The following KRT9 variants were observed in gnomAD, a reference collection of about 807,000 sequenced individuals.
KRT9 encodes keratin, type I cytoskeletal 9.
In KRT9, 34 loss-of-function variants were observed where a neutral mutation model predicts 51.4. The ratio of observed to expected loss-of-function variants is 0.66; its 90% confidence interval spans 0.50 to 0.88. The LOEUF (loss-of-function observed/expected upper bound fraction) is 0.88. KRT9 is among the 40% of genes least tolerant of loss of function. KRT9 has a pLI of 0.00. For synonymous variants in KRT9, 292 were observed against 289.7 expected (o/e 1.01, Z -0.08); for missense variants, 753 against 790.3 (o/e 0.95, Z 0.57).
At chr17:41,568,445 T>A in intron 5 of KRT9, 60 bp from the exon 6 acceptor site, 1 of 1,613,900 alleles carries the variant, frequency 6.2e-7, no homozygotes, top group Non-Finnish European at 8.5e-7. Flanking sequence ...TTCTTCCCAC[T>A]CCTGGGCTGC....
intron 4 of KRT9, among the ~76,000 whole-genome samples, chr17:41,568,955 C>G (rs1421344654): frequency 2.1e-5 from 3 of 143,780 alleles, no homozygotes; most frequent in African/African-American, 5.3e-5. Context: ...CACACACACA[C>G]AGCACAGACC....
intron 5 of KRT9, 56 bp downstream of exon 5, chr17:41,568,452 C>T (rs1313831782): frequency 5.6e-5 from 90 of 1,613,966 alleles, no homozygotes; most frequent in South Asian, 1.1e-5. Context: ...CACTCCTGGG[C>T]TGCAAAGACT....
chr17:41,568,573 C>A lies in KRT9; in HGVS notation c.1105G>T (p.Glu369Ter). ...SGQEVQSSAK[E>*]VTQLRHGVQE... The stretch of plus-strand genomic sequence containing the variant: ...ACACCGTGCCGGAGCTGGGTCACCT[C>A]CTTGGCACTGGACTGCACCTCCTGA... The change falls in exon 5 of 8, where the codon GAG becomes TAG. Residue 369 changes from glutamate to a stop codon, truncating the protein, a stop_gained. Transcript: ENST00000246662. LOFTEE classifies it high-confidence loss of function. 6.2e-7 allele frequency: 1 copy of A among 1,614,152 alleles called. No homozygotes were observed. Among genetic ancestry groups the A allele is most frequent in the Non-Finnish European group, 8.5e-7 (1 of 1,180,012 alleles).
At chr17:41,570,113 A>G (rs769257460) in intron 2 of KRT9, 25 bp downstream of exon 2, 1 of 1,612,288 alleles carries the variant, frequency 6.2e-7, no homozygotes, top group South Asian at 1.1e-5. Flanking sequence ...TGATGACAGG[A>G]GAGGAGAAGA....
chr17:41,569,603 G>A lies in KRT9; in HGVS notation c.883-16C>T. On this transcript the variant is annotated splice_polypyrimidine_tract_variant and intron_variant, in intron 3 of 7. Transcript: ENST00000246662. ...GACTCATCTCCTGCCAGGGAAGAAG[G>A]GGAGATGAGGTCACGGATAAAGTCC... 1 of 1,613,064 alleles carries A rather than the reference G, an allele frequency of 6.2e-7. No homozygotes were observed. The highest frequency in any genetic ancestry group is 2.2e-5 in the East Asian group (1 of 44,882).
chr17:41,567,719 C>T lies in KRT9; in HGVS notation c.1426G>A (p.Gly476Arg). 1 of 1,614,204 alleles carries T rather than the reference C, an allele frequency of 6.2e-7. No individual in the cohort carries two copies. Among genetic ancestry groups the T allele is most frequent in the Non-Finnish European group, 8.5e-7 (1 of 1,180,040 alleles). The part of the protein sequence containing the change: ...ESSGAGKIGL[G>R]GRGGSGGSYG... ...CTGCCTCCACTTCCTCCTCGACCTC[C>T]AAGGCCAATTTTTCCAGCTCCGGAG... The change falls in exon 7 of 8, where the codon GGA becomes AGA. Residue 476 changes from glycine (G) to arginine (R), a missense_variant. This residue lies in a region of KRT9 where 507 missense variants were observed against 563.7 expected (regional missense o/e 0.90). Transcript: ENST00000246662.
intron 7 of KRT9, among the ~76,000 whole-genome samples, chr17:41,566,533 T>C (rs1906881874): frequency 6.6e-6 from 1 of 152,234 alleles, no homozygotes. Context: ...TTAGACACCC[T>C]GCAGGGCAGC....
In KRT9 at chr17:41,568,911, TACACACAC is replaced by T. The variant is rs5820419; in HGVS notation, c.1045-286_1045-279del. ...CCAAACTTCCCCCACCTTTCAAACA[TACACACAC>T]ACACACACACACACACACACACACA... On this transcript the variant is annotated intron_variant, in intron 4 of 7. Coordinates refer to ENST00000246662, the MANE Select transcript of KRT9 (RefSeq NM_000226.4). 0.089 allele frequency among the ~76,000 whole-genome samples: 11,956 copies of T among 133,786 alleles called. 462 individuals are homozygous for T. The highest frequency in any genetic ancestry group is 0.18 in the Middle Eastern group (46 of 262). 87.8% of individuals were successfully genotyped at this position (133,786 alleles called of 152,430 possible). A position where few individuals can be genotyped will look rare whatever the true frequency, so the allele number is the denominator to read the frequency against.
At chr17:41,570,341 GA>G (rs1183543047) in intron 1 of KRT9, 121 bp from the exon 2 acceptor site, 1 of 864,896 alleles carries the variant, frequency 1.2e-6, no homozygotes, top group African/African-American at 1.6e-5. Flanking sequence ...GAGGAATGAG[GA>G]ACTTCCAACA....
At position 41,571,456 on chromosome 17, in the gene KRT9, G is replaced by C. The variant is rs201691232; in HGVS notation, c.537C>G (p.Asn179Lys). 7 of 1,613,854 alleles carry C rather than the reference G, an allele frequency of 4.3e-6. No homozygotes were observed. Among genetic ancestry groups the C allele is most frequent in the Admixed American group, 1.7e-5 (1 of 59,980 alleles). Residue 179 changes from asparagine (N) to lysine (K), a missense_variant, in exon 1 of 8, where the codon AAC becomes AAG. Physicochemically the swap from Asn to Lys is moderately conservative, Grantham distance 94. This residue lies in a region of KRT9 where 507 missense variants were observed against 563.7 expected (regional missense o/e 0.90). Transcript: ENST00000246662. Reference protein sequence around the residue: ...DKVQALEEANNDLENKIQDWY... With the variant: ...DKVQALEEANKDLENKIQDWY... Reference sequence around the variant, plus strand: ...AATCCTGGATCTTATTCTCCAGGTCGTTGTTGGCCTCCTCTAGAGCCTGCA... The same window carrying C: ...AATCCTGGATCTTATTCTCCAGGTCCTTGTTGGCCTCCTCTAGAGCCTGCA...
chr17:41,571,860 C>T lies in KRT9; in HGVS notation c.133G>A (p.Gly45Ser), dbSNP rs1360738407. 10 of 1,612,460 alleles carry T rather than the reference C, an allele frequency of 6.2e-6. No homozygotes were observed. In the South Asian group the frequency reaches 1.1e-4, roughly 18 times the overall value. ...FSSSGGGGGG[G>S]RFSSSSGYGG... ...TAGCCACTAGAAGAGCTGAATCGGC[C>T]CCCTCCTCCACCGCCCCCTGAGGAG... The change falls in exon 1 of 8, where the codon GGC becomes AGC. Residue 45 changes from glycine to serine, a missense_variant. Around this residue, in one of 3 missense-constraint regions of KRT9, gnomAD observed 241 missense variants for 210.3 expected, o/e 1.15. Transcript: ENST00000246662.
In KRT9 at chr17:41,571,554, C is replaced by T. The variant is rs898371502; in HGVS notation, c.439G>A (p.Gly147Ser). The T allele has an allele frequency of 6.2e-7, 1 of 1,613,196 alleles. No individual in the cohort carries two copies. The highest frequency in any genetic ancestry group is 1.3e-5 in the African/African-American group (1 of 74,876). ...CTCTTCTCATTAGCAGTCAGAATAC[C>T]ACCATCACCTCCTCCAGCACCACCT... Reference protein sequence around the residue: ...FGGGAGGGDGGILTANEKSTM... With the variant: ...FGGGAGGGDGSILTANEKSTM... The change falls in exon 1 of 8, where the codon GGT becomes AGT. Residue 147 changes from glycine to serine, a missense_variant. This residue lies in a region of KRT9 where 241 missense variants were observed against 210.3 expected (regional missense o/e 1.15). Transcript: ENST00000246662.
At position 41,570,246 on chromosome 17, in the gene KRT9, A is replaced by G. The variant is rs773162437; in HGVS notation, c.643-26T>C. On this transcript the variant is annotated intron_variant, in intron 1 of 7. Coordinates refer to ENST00000246662, the MANE Select transcript of KRT9 (RefSeq NM_000226.4). Reference sequence around the variant, plus strand: ...CTGAAAAAAAAAGGACACAGCCATGATATCATGCTGTGGACCACTGCTGAG... The same window carrying G: ...CTGAAAAAAAAAGGACACAGCCATGGTATCATGCTGTGGACCACTGCTGAG... 8 of 1,600,614 alleles carry G rather than the reference A, an allele frequency of 5.0e-6. No individual in the cohort carries two copies. In the South Asian group the frequency reaches 7.7e-5, roughly 15 times the overall value.
chr17:41,567,521 GGCCACCTCCACTTCCTCCACCATA>G lies in KRT9; in HGVS notation c.1600_1623del (p.Tyr534_Gly541del). Reference sequence around the variant, plus strand: ...TGACCACCTCCACTTCCTCCGCTATGGCCACCTCCACTTCCTCCACCATAGCCACCTCCACTACCTCCTCCAGAA... The same window carrying G: ...TGACCACCTCCACTTCCTCCGCTATGGCCACCTCCACTACCTCCTCCAGAA... On this transcript the variant is annotated inframe_deletion, in exon 7 of 8. Transcript: ENST00000246662. 6.5e-7 allele frequency: 1 copy of G among 1,536,858 alleles called. No homozygotes were observed. Among genetic ancestry groups the G allele is most frequent in the South Asian group, 1.2e-5 (1 of 83,640 alleles).
At chr17:41,569,743 G>T (rs1461721849) in intron 3 of KRT9, 116 bp downstream of exon 3, 5 of 1,498,248 alleles carry the variant, frequency 3.3e-6, no homozygotes, top group African/African-American at 1.4e-5. Flanking sequence ...GAAGTTGAAA[G>T]TGTCCTCAAG....
intron 3 of KRT9, 26 bp downstream of exon 3, chr17:41,569,833 G>A: frequency 6.2e-7 from 1 of 1,613,686 alleles, no homozygotes; most frequent in Non-Finnish European, 8.5e-7. Flanking sequence ...CCTCTTCCCG[G>A]TAAGCCATAA....
At chr17:41,569,719 G>A (rs959758760) in intron 3 of KRT9, 132 bp from the exon 4 acceptor site, 1 of 1,471,600 alleles carries the variant, frequency 6.8e-7, no homozygotes, top group Admixed American at 1.7e-5. Flanking sequence ...CACTACCATA[G>A]GTGATGCCAA....
Position 41,568,569 on chromosome 17 carries a change from A to G in KRT9, c.1109T>C (p.Val370Ala). ...GQEVQSSAKE[V>A]TQLRHGVQEL... ...CTGGACACCGTGCCGGAGCTGGGTC[A>G]CCTCCTTGGCACTGGACTGCACCTC... The change falls in exon 5 of 8, where the codon GTG (valine) becomes GCG (alanine). Residue 370 changes from valine (V) to alanine (A), a missense_variant. Physicochemically the swap from Val to Ala is moderately conservative, Grantham distance 64. Transcript: ENST00000246662. 1 of 1,613,898 alleles carries G rather than the reference A, an allele frequency of 6.2e-7. No homozygotes were observed. Among genetic ancestry groups the G allele is most frequent in the Non-Finnish European group, 8.5e-7 (1 of 1,179,968 alleles).
In KRT9 at chr17:41,570,171, T is replaced by C. The variant is rs930178456; in HGVS notation, c.692A>G (p.Asn231Ser). 3 of 1,614,096 alleles carry C rather than the reference T, an allele frequency of 1.9e-6. No individual in the cohort carries two copies. The highest frequency in any genetic ancestry group is 3.3e-4 in the Middle Eastern group (2 of 6,062). Residue 231 changes from asparagine (N) to serine (S), a missense_variant, in exon 2 of 8, where the codon AAC becomes AGC. By Grantham distance (46) the Asn-to-Ser change is conservative. Around this residue, in one of 3 missense-constraint regions of KRT9, gnomAD observed 507 missense variants for 563.7 expected, o/e 0.90. Transcript: ENST00000246662. ...GNNKTLLDID[N>S]TRMTLDDFRI... is the part of the protein sequence containing the mutation. Reference sequence around the variant, plus strand: ...GAAGTCATCCAGTGTCATGCGAGTGTTGTCAATGTCCAGGAGAGTTTTGTT... The same window carrying C: ...GAAGTCATCCAGTGTCATGCGAGTGCTGTCAATGTCCAGGAGAGTTTTGTT...
Sources: allele counts gnomAD v4.1 joint callset (sites outside exome capture counted in the v4.1 genomes callset), GRCh38; gene constraint gnomAD v4.1.1; regional missense constraint gnomAD v4.1.1; transcripts MANE v1.5; gene names NCBI Gene and HGNC (gene_info 2026-07-23, HGNC 2026-07-21).